The following FRMPD2 variants were observed in gnomAD, a reference collection of about 807,000 sequenced individuals.
FRMPD2 encodes the protein FERM and PDZ domain-containing protein 2.
FRMPD2 carries 96 observed loss-of-function variants against 140.1 expected under a neutral mutation model. The ratio of observed to expected loss-of-function variants is 0.69; its 90% CI spans 0.58 to 0.81. The LOEUF (loss-of-function observed/expected upper bound fraction) is 0.81, where lower values mean the gene tolerates loss of function less well. FRMPD2 is among the 40% of genes least tolerant of loss of function. The pLI is 0.00. For synonymous variants in FRMPD2, 449 were observed against 547.6 expected (o/e 0.82, Z 2.52); for missense variants, 1,240 against 1,447.4 (o/e 0.86, Z 2.32).
At chr10:48,201,055 T>C (rs1839073911) in intron 15 of FRMPD2, among the ~76,000 whole-genome samples, 173 bp downstream of exon 15, 1 of 152,242 alleles carries the variant, frequency 6.6e-6, no homozygotes, top group Admixed American at 6.5e-5. Context: ...ATTTTAGTGC[T>C]TGCCAACATG....
In FRMPD2 at chr10:48,206,743, C is replaced by T. The variant is rs368622052; in HGVS notation, c.1797+5G>A. The stretch of plus-strand genomic sequence containing the variant: ...CAGGTTATTTATCAACTGAGCTACA[C>T]TCACATAAGTAGAAATCTTCCCGGT... On this transcript the variant is annotated splice_donor_5th_base_variant and intron_variant, in intron 14 of 28. Transcript: ENST00000374201. 139 of 1,612,436 alleles carry T rather than the reference C, an allele frequency of 8.6e-5. No homozygotes were observed. Among genetic ancestry groups the T allele is most frequent in the Non-Finnish European group, 8.7e-5 (102 of 1,178,658 alleles).
At chr10:48,253,861 A>G (rs759535341) in intron 1 of FRMPD2, among the ~76,000 whole-genome samples, 5 of 152,188 alleles carry the variant, frequency 3.3e-5, no homozygotes, top group Non-Finnish European at 7.3e-5. Context: ...AATTTTTTTA[A>G]AAGGAGCATC....
At chr10:48,250,109 C>A (rs1840340692) in intron 2 of FRMPD2, among the ~76,000 whole-genome samples, 1 of 152,176 alleles carries the variant, frequency 6.6e-6, no homozygotes, top group Non-Finnish European at 1.5e-5. Flanking sequence ...CTCCTGCCCA[C>A]ACCAACCTCC....
intron 15 of FRMPD2, among the ~76,000 whole-genome samples, chr10:48,194,905 A>G (rs1250516285): frequency 1.3e-5 from 2 of 152,160 alleles, no homozygotes; most frequent in African/African-American, 4.8e-5. Flanking sequence ...ACAGCCTTTC[A>G]AGAATGGAAG....
chr10:48,237,566 C>A (rs1305242444), intron 8 of FRMPD2, among the ~76,000 whole-genome samples: 1 of 152,106 alleles, frequency 6.6e-6, no homozygotes, highest in Non-Finnish European at 1.5e-5. Context: ...TTAGGGTTAG[C>A]CAGCTGGAAG....
chr10:48,223,079 C>T (rs1242400003), intron 11 of FRMPD2, 44 bp downstream of exon 11: 1 of 1,570,676 alleles, frequency 6.4e-7, no homozygotes, highest in East Asian at 2.3e-5. Flanking sequence ...CCTGGACATA[C>T]ATAAATCCCT....
At chr10:48,248,519 T>A (rs147596737) in intron 3 of FRMPD2, 1 of 152,316 alleles carries the variant, frequency 6.6e-6, no homozygotes, top group Non-Finnish European at 1.5e-5. Context: ...CTCATTTTAA[T>A]GGTGTTTTGT....
chr10:48,270,109 G>T (rs1840741152), intron 1 of FRMPD2, among the ~76,000 whole-genome samples: 1 of 152,174 alleles, frequency 6.6e-6, no homozygotes. Context: ...TTGAGAAAGT[G>T]AGACTAAGAA....
chr10:48,175,051 C>A, intron 23 of FRMPD2, 96 bp from the exon 24 acceptor site: 1 of 592,340 alleles, frequency 1.7e-6, no homozygotes, highest in South Asian at 2.0e-5. Context: ...TCCATGCAGC[C>A]TGGAGAAGTG....
At chr10:48,247,440 A>G (rs1327131590) in intron 3 of FRMPD2, among the ~76,000 whole-genome samples, 1 of 152,204 alleles carries the variant, frequency 6.6e-6, no homozygotes, top group African/African-American at 2.4e-5. Context: ...GGGAAGGGAG[A>G]CAGGGACCAA....
intron 1 of FRMPD2, among the ~76,000 whole-genome samples, chr10:48,259,100 C>T (rs1184389280): frequency 6.6e-6 from 1 of 152,202 alleles, no homozygotes; most frequent in African/African-American, 2.4e-5. Context: ...CATGGCCCCA[C>T]CTGTCCTTCT....
intron 1 of FRMPD2, among the ~76,000 whole-genome samples, chr10:48,262,237 A>G (rs1453413122): frequency 6.6e-6 from 1 of 152,176 alleles, no homozygotes; most frequent in Non-Finnish European, 1.5e-5. Context: ...GAAGGCACAA[A>G]TAGGTTAAAA....
intron 25 of FRMPD2, among the ~76,000 whole-genome samples, chr10:48,172,649 T>G (rs1432610806): frequency 2.0e-5 from 3 of 151,226 alleles, no homozygotes; most frequent in African/African-American, 7.3e-5. Flanking sequence ...TTCAGTCAAT[T>G]TCATCCTAAA....
chr10:48,265,044 C>G (rs111718888), intron 1 of FRMPD2, among the ~76,000 whole-genome samples: 6,978 of 152,188 alleles, frequency 0.046, 502 homozygotes, highest in African/African-American at 0.16. Context: ...GAATAGACAG[C>G]CCAGAAATAA....
At chr10:48,224,534 C>T (rs970218834) in intron 10 of FRMPD2, among the ~76,000 whole-genome samples, 4 of 152,212 alleles carry the variant, frequency 2.6e-5, no homozygotes, top group African/African-American at 9.6e-5. Flanking sequence ...CCTGCCTCTG[C>T]CCTTACTGCT....
intron 9 of FRMPD2, among the ~76,000 whole-genome samples, chr10:48,233,317 T>A (rs1342398950): frequency 6.6e-6 from 1 of 152,200 alleles, no homozygotes; most frequent in Non-Finnish European, 1.5e-5. Context: ...GCATACTCCA[T>A]GCCACCTTGG....
At chr10:48,199,523 G>A (rs181764114) in intron 15 of FRMPD2, 1 of 152,282 alleles carries the variant, frequency 6.6e-6, no homozygotes, top group Non-Finnish European at 1.5e-5. Flanking sequence ...ATTCTTGTTG[G>A]TAGTTAATCT....
intron 12 of FRMPD2, among the ~76,000 whole-genome samples, chr10:48,215,457 G>A (rs1480209359): frequency 1.3e-5 from 2 of 152,218 alleles, no homozygotes; most frequent in African/African-American, 2.4e-5. Flanking sequence ...ACCTCACAGA[G>A]TCACAACTTT....
chr10:48,274,735 A>T, upstream of FRMPD2: 1 of 648,326 alleles, frequency 1.5e-6, no homozygotes, highest in Non-Finnish European at 2.8e-6. Flanking sequence ...GAGTGAGTCA[A>T]CAAGGCCCCT....
Sources: allele counts gnomAD v4.1 joint callset (sites outside exome capture counted in the v4.1 genomes callset), GRCh38; gene constraint gnomAD v4.1.1; transcripts MANE v1.5; gene names NCBI Gene and HGNC (gene_info 2026-07-23, HGNC 2026-07-21).